Variants in SCD5 observed in about 807,000 individuals in gnomAD.
SCD5 encodes stearoyl-CoA desaturase 5.
A neutral mutation model predicts 30.4 loss-of-function variants in SCD5; 20 were observed. The ratio of observed to expected loss-of-function variants is 0.66; its 90% CI spans 0.46 to 0.96. The LOEUF is 0.96. Ranked by LOEUF, SCD5 falls within the 40% of genes least tolerant of loss-of-function variation. The pLI, the probability that SCD5 is intolerant of heterozygous loss-of-function variation, is 0.00. For missense variants in SCD5, 381 were observed against 443.3 expected (o/e 0.86, Z 1.26); for synonymous variants, 173 against 176.4 (o/e 0.98, Z 0.16).
At chr4:82,642,264 CCTGAATGT>C (rs1276398890) in intron 3 of SCD5, among the ~76,000 whole-genome samples, 3 of 152,112 alleles carry the variant, frequency 2.0e-5, no homozygotes, top group African/African-American at 7.2e-5. Flanking sequence ...ATTCTTAAAC[CCTGAATGT>C]CTGATGCCTC....
chr4:82,701,241 A>C (rs1719832648), intron 2 of SCD5, among the ~76,000 whole-genome samples: 1 of 152,258 alleles, frequency 6.6e-6, no homozygotes, highest in Admixed American at 6.5e-5. Flanking sequence ...TTTTAAAAAG[A>C]AGTATAATTC....
chr4:82,666,000 A>T (rs1728178007), intron 3 of SCD5, among the ~76,000 whole-genome samples: 1 of 152,184 alleles, frequency 6.6e-6, no homozygotes. Flanking sequence ...AACCTATATT[A>T]CATTTTATGC....
intron 3 of SCD5, among the ~76,000 whole-genome samples, chr4:82,679,729 C>G (rs543015685): frequency 3.3e-5 from 5 of 152,244 alleles, no homozygotes; most frequent in Admixed American, 2.0e-4. Context: ...CTGCTCCCCT[C>G]AGCGTAAAAG....
At chr4:82,679,287 G>GGAAGGAAGGAAGGAAAGAAA (rs1560531782) in intron 3 of SCD5, among the ~76,000 whole-genome samples, 6 of 126,294 alleles carry the variant, frequency 4.8e-5, no homozygotes, top group African/African-American at 1.7e-4. Context: ...AAAGAAGGAA[G>GGAAGGAAGGAAGGAAAGAAA]GAAAGAAAGA....
At chr4:82,781,456 C>T (rs1721871428) in intron 1 of SCD5, among the ~76,000 whole-genome samples, 1 of 151,752 alleles carries the variant, frequency 6.6e-6, no homozygotes, top group South Asian at 2.1e-4. Flanking sequence ...TTGGAAAGTA[C>T]ATCTCCTTTC....
chr4:82,670,436 C>T (rs549717748), intron 3 of SCD5, among the ~76,000 whole-genome samples: 5 of 151,572 alleles, frequency 3.3e-5, no homozygotes, highest in East Asian at 1.9e-4. Flanking sequence ...CTGAGTTTGA[C>T]GAAATATGAA....
intron 3 of SCD5, among the ~76,000 whole-genome samples, chr4:82,641,384 T>G (rs767673320): frequency 4.7e-5 from 7 of 148,846 alleles, no homozygotes; most frequent in African/African-American, 7.4e-5. Context: ...ATGAACAATA[T>G]AAATAAGCAA....
intron 1 of SCD5, among the ~76,000 whole-genome samples, chr4:82,769,027 G>A (rs959970362): frequency 1.3e-5 from 2 of 151,726 alleles, no homozygotes; most frequent in Non-Finnish European, 2.9e-5. Context: ...AAAGAGGACT[G>A]TCTAACGGGG....
chr4:82,790,790 T>C (rs1447240880), intron 1 of SCD5, among the ~76,000 whole-genome samples: 3 of 151,312 alleles, frequency 2.0e-5, no homozygotes, highest in South Asian at 4.2e-4. Flanking sequence ...AACACCTGAA[T>C]AGCATAAAAT....
At chr4:82,730,742 C>A (rs544563436) in intron 1 of SCD5, among the ~76,000 whole-genome samples, 2 of 151,586 alleles carry the variant, frequency 1.3e-5, no homozygotes, top group South Asian at 4.2e-4. Flanking sequence ...CCCACCACCA[C>A]GCCCGGCTAA....
chr4:82,714,495 G>A (rs1425678462), intron 1 of SCD5, among the ~76,000 whole-genome samples: 3 of 152,252 alleles, frequency 2.0e-5, no homozygotes, highest in African/African-American at 7.2e-5. Context: ...AGCACCTGAA[G>A]CATGAGCTCA....
intron 1 of SCD5, among the ~76,000 whole-genome samples, chr4:82,715,054 T>G (rs1330516818): frequency 6.6e-6 from 1 of 151,066 alleles, no homozygotes; most frequent in Non-Finnish European, 1.5e-5. Flanking sequence ...CTGGCCAACA[T>G]GATGAAACCC....
chr4:82,770,147 T>A (rs1721587363), intron 1 of SCD5, among the ~76,000 whole-genome samples: 1 of 152,064 alleles, frequency 6.6e-6, no homozygotes, highest in Admixed American at 6.5e-5. Context: ...AACTCGTCAT[T>A]TACATTAGGT....
chr4:82,667,803 A>G (rs2148818403), intron 3 of SCD5, among the ~76,000 whole-genome samples: 1 of 152,296 alleles, frequency 6.6e-6, no homozygotes, highest in East Asian at 1.9e-4. Context: ...TGTCATTTTC[A>G]GGGACATTCT....
intron 1 of SCD5, among the ~76,000 whole-genome samples, chr4:82,716,380 A>G (rs1050394366): frequency 1.3e-5 from 2 of 151,878 alleles, no homozygotes; most frequent in African/African-American, 4.9e-5. Context: ...GTAAACAAAC[A>G]AACAAACAAA....
intron 3 of SCD5, among the ~76,000 whole-genome samples, chr4:82,659,073 G>C (rs1000283945): frequency 6.6e-6 from 1 of 152,144 alleles, no homozygotes; most frequent in Non-Finnish European, 1.5e-5. Flanking sequence ...AAGAGTGGAT[G>C]TGTTCAGGAA....
At chr4:82,637,926 T>C (rs954514110) in intron 3 of SCD5, among the ~76,000 whole-genome samples, 4 of 152,114 alleles carry the variant, frequency 2.6e-5, no homozygotes, top group East Asian at 1.9e-4. Context: ...GCTTGTCACA[T>C]AGGGAAACGT....
rs913479098 is a variant in SCD5, at chr4:82,629,983, A to T, written c.*1344T>A. 7 of 152,272 alleles carry T rather than the reference A, an allele frequency of 4.6e-5. No individual in the cohort carries two copies. The highest frequency in any genetic ancestry group is 1.7e-4 in the African/African-American group (7 of 41,480). The allele number at this position is 152,272 out of a possible 1,614,324, so 9.4% of individuals were successfully genotyped here. ...TCTGATGGTCTGATGTGGAAAATTA[A>T]TATGCTTATTTAGCAGAAGTAGCTA... On this transcript the variant is annotated 3_prime_UTR_variant, in exon 5 of 5. Coordinates refer to ENST00000319540, the MANE Select transcript of SCD5 (RefSeq NM_001037582.3).
At chr4:82,787,775 G>A (rs1722016887) in intron 1 of SCD5, among the ~76,000 whole-genome samples, 1 of 152,274 alleles carries the variant, frequency 6.6e-6, no homozygotes, top group East Asian at 1.9e-4. Context: ...ATGCCTGTAA[G>A]CCCAACACTT....
Sources: gnomAD v4.1 joint callset for allele counts (sites outside exome capture counted in the v4.1 genomes callset) on GRCh38, gnomAD v4.1.1 for gene constraint, MANE v1.5 for transcripts, NCBI Gene and HGNC (gene_info 2026-07-23, HGNC 2026-07-21) for gene names.